PSKH2: variants seen among roughly 807,000 people sequenced by gnomAD.
The protein encoded by PSKH2 is serine/threonine-protein kinase H2.
A neutral mutation model predicts 22.5 loss-of-function variants in PSKH2; 16 were observed. The observed-to-expected ratio is 0.71, with a 90% CI of 0.48 to 1.08. The LOEUF is 1.08. Ranked by LOEUF, PSKH2 falls within the 50% of genes least tolerant of loss-of-function variation. The probability of loss-of-function intolerance (pLI) is 0.00; values close to 1 mark genes in which losing one functional copy is unlikely to be tolerated. For synonymous variants in PSKH2, 188 were observed against 184.8 expected, an observed-to-expected ratio of 1.02 and a Z score of -0.14; for missense variants, 516 against 492.8, an observed-to-expected ratio of 1.05 and a Z score of -0.44.
At chr8:86,069,391 T>G (rs767727040) in intron 1 of PSKH2, 47 bp downstream of exon 1, 1 of 1,489,434 alleles carries the variant, frequency 6.7e-7, no homozygotes, top group Non-Finnish European at 8.9e-7. Context: ...CCAGGGGTTT[T>G]TCTTTGTCAG....
At position 86,069,494 on chromosome 8, in the gene PSKH2, C is replaced by T; in HGVS notation, c.129G>A (p.Ala43=). 3 of 1,609,454 alleles carry T rather than the reference C, an allele frequency of 1.9e-6. No homozygotes were observed. Among genetic ancestry groups the T allele is most frequent in the Non-Finnish European group, 2.5e-6 (3 of 1,178,636 alleles). ...GGAAGCGAGCCACCTGTATCCTCTG[C>T]GCCGCCTGGGCCGCCGCCTCGGGCC... is the stretch of plus-strand genomic sequence containing the variant. The part of the protein sequence containing the change: ...GPGPEAAAQA[A]QRIQVARFRA... The change falls in exon 1 of 3, where the codon GCG becomes GCA. Residue 43 remains alanine (A), a synonymous_variant. Transcript: ENST00000276616.
At chr8:86,065,146 A>C (rs940379392) in intron 1 of PSKH2, among the ~76,000 whole-genome samples, 21 of 152,182 alleles carry the variant, frequency 1.4e-4, no homozygotes, top group Non-Finnish European at 2.1e-4. Flanking sequence ...GTCATTCTTC[A>C]ACAACAAACA....
At position 86,048,693 on chromosome 8, in the gene PSKH2, C is replaced by G. The variant is rs543475155; in HGVS notation, c.927G>C (p.Met309Ile). 5.0e-6 allele frequency: 8 copies of G among 1,614,128 alleles called. No homozygotes were observed. The highest frequency in any genetic ancestry group is 6.8e-6 in the Non-Finnish European group (8 of 1,180,020). Residue 309 changes from methionine (M) to isoleucine (I), a missense_variant, in exon 3 of 3, where the codon ATG becomes ATC. Coordinates refer to ENST00000276616, the MANE Select transcript of PSKH2 (RefSeq NM_033126.3). Reference sequence around the variant, plus strand: ...GATGGTCCAGGGCCTGGCCAGCTGACATGCGATGACCAGCCTCCAAAATCA... The same window carrying G: ...GATGGTCCAGGGCCTGGCCAGCTGAGATGCGATGACCAGCCTCCAAAATCA... ...KLLILEAGHR[M>I]SAGQALDHPW...
intron 2 of PSKH2, among the ~76,000 whole-genome samples, chr8:86,057,370 T>C (rs1817715226): frequency 6.6e-6 from 1 of 151,740 alleles, no homozygotes; most frequent in Non-Finnish European, 1.5e-5. Flanking sequence ...TCATTTGTTT[T>C]TGTTTTTGTT....
rs759068377 is a variant in PSKH2 at position 86,063,946 on chromosome 8, T to G, written c.852+19A>C. ...CCACTCTAAACCAACACAATAGAAA[T>G]AAAATAATGCTCTCTTACCTCTCCT... On this transcript the variant is annotated intron_variant, in intron 2 of 2. Coordinates refer to ENST00000276616, the MANE Select transcript of PSKH2 (RefSeq NM_033126.3). The G allele has an allele frequency of 6.3e-7, 1 of 1,580,188 alleles. No homozygotes were observed. The highest frequency in any genetic ancestry group is 8.6e-7 in the Non-Finnish European group (1 of 1,161,348).
Position 86,064,328 on chromosome 8 carries a change from G to T in PSKH2, c.489C>A (p.Ile163=). 1 of 1,614,110 alleles carries T rather than the reference G, an allele frequency of 6.2e-7. No individual in the cohort carries two copies. Among genetic ancestry groups the T allele is most frequent in the Non-Finnish European group, 8.5e-7 (1 of 1,180,030 alleles). ...GSFTERDAVR[I]LQMVADGIRY... ...TAATCCCATCAGCAACCATCTGGAG[G>T]ATCCTGACGGCATCCCGCTCTGTAA... Residue 163 remains isoleucine, a synonymous_variant, in exon 2 of 3, where the codon ATC becomes ATA. Transcript: ENST00000276616.
At chr8:86,063,416 G>A (rs1375465362) in intron 2 of PSKH2, among the ~76,000 whole-genome samples, 1 of 152,126 alleles carries the variant, frequency 6.6e-6, no homozygotes, top group East Asian at 1.9e-4. Flanking sequence ...ATGAACACTG[G>A]GAGTTTCAAG....
intron 2 of PSKH2, among the ~76,000 whole-genome samples, chr8:86,063,314 T>G (rs1027256217): frequency 6.6e-6 from 1 of 152,248 alleles, no homozygotes; most frequent in Non-Finnish European, 1.5e-5. Context: ...CTGCTGTACA[T>G]GAAATGAATT....
At chr8:86,059,513 C>A (rs911763977) in intron 2 of PSKH2, among the ~76,000 whole-genome samples, 12 of 152,110 alleles carry the variant, frequency 7.9e-5, no homozygotes, top group Non-Finnish European at 1.3e-4. Context: ...TGCCTCATGA[C>A]CCCTCTCTCC....
rs1239301097 is a variant in PSKH2, at chr8:86,048,477, C to T, written c.1143G>A (p.Leu381=). 3 of 1,611,852 alleles carry T rather than the reference C, an allele frequency of 1.9e-6. No individual in the cohort carries two copies. Among genetic ancestry groups the T allele is most frequent in the Non-Finnish European group, 2.5e-6 (3 of 1,178,100 alleles). ...KRNLRIVESP[L]SALL is the part of the protein sequence containing the mutation. ...GGTCATCTGCTTACAAAAGCGCAGA[C>T]AGTGGCGATTCTACTATCCTTAAGT... Residue 381 remains leucine, a synonymous_variant, in exon 3 of 3, where the codon CTG becomes CTA. Coordinates refer to ENST00000276616, the MANE Select transcript of PSKH2 (RefSeq NM_033126.3).
chr8:86,062,307 A>G (rs551471143), intron 2 of PSKH2, among the ~76,000 whole-genome samples: 4 of 152,328 alleles, frequency 2.6e-5, no homozygotes, highest in African/African-American at 9.6e-5. Context: ...ACTTTTGTAA[A>G]CATAGCTTGG....
chr8:86,061,729 C>T (rs1400935893), intron 2 of PSKH2, among the ~76,000 whole-genome samples: 2 of 152,174 alleles, frequency 1.3e-5, no homozygotes, highest in African/African-American at 4.8e-5. Context: ...ACCCAGATTC[C>T]AGCCATCCGC....
At chr8:86,051,277 C>A (rs11990833) in intron 2 of PSKH2, among the ~76,000 whole-genome samples, 59 of 151,868 alleles carry the variant, frequency 3.9e-4, no homozygotes, top group African/African-American at 1.4e-3. Context: ...TTGTAGAAAC[C>A]GGGTTTCGCC....
In PSKH2 at chr8:86,066,198, TCC is replaced by T. The variant is rs1318905225; in HGVS notation, c.186-1569_186-1568del. Among the ~76,000 whole-genome samples, 6 of 137,412 alleles carry T rather than the reference TCC, an allele frequency of 4.4e-5. No homozygotes were observed. The Admixed American group carries it at 4.5e-4, about 10-fold the overall frequency. The allele number at this position is 137,412 out of a possible 152,430, so 90.1% of individuals were successfully genotyped here. On this transcript the variant is annotated intron_variant, in intron 1 of 2. Transcript: ENST00000276616. ...TAGAGTCAGGATTAGAACGCAGGTC[TCC>T]TTTTTTTTTTTTTTTTTGAGATGGA...
Position 86,048,641 on chromosome 8 carries a change from A to T in PSKH2, c.979T>A (p.Ser327Thr), listed in dbSNP as rs200368341. 1.9e-6 allele frequency: 3 copies of T among 1,613,998 alleles called. No homozygotes were observed. The highest frequency in any genetic ancestry group is 2.5e-6 in the Non-Finnish European group (3 of 1,179,998). The change falls in exon 3 of 3, where the codon TCT becomes ACT. Residue 327 changes from serine (S) to threonine (T), a missense_variant. Coordinates refer to ENST00000276616, the MANE Select transcript of PSKH2 (RefSeq NM_033126.3). ...GCCCTCTGGAGATTCTTCATGGAAG[A>T]CCCTGCAGCCATGGTGATCACCCAG... ...HPWVITMAAG[S>T]SMKNLQRAIS...
At chr8:86,057,882 T>C (rs187414387) in intron 2 of PSKH2, among the ~76,000 whole-genome samples, 64 of 152,304 alleles carry the variant, frequency 4.2e-4, no homozygotes, top group Non-Finnish European at 6.9e-4. Flanking sequence ...CTGTGAACTT[T>C]GAGGCTTTGT....
rs773303354 is a variant in PSKH2, at chr8:86,048,471, C to A, written c.1149G>T (p.Ala383=). The A allele has an allele frequency of 6.2e-7, 1 of 1,611,024 alleles. No homozygotes were observed. Among genetic ancestry groups the A allele is most frequent in the Non-Finnish European group, 8.5e-7 (1 of 1,177,582 alleles). Residue 383 remains alanine (A), a synonymous_variant, in exon 3 of 3, where the codon GCG becomes GCT. Coordinates refer to ENST00000276616, the MANE Select transcript of PSKH2 (RefSeq NM_033126.3). ...TTTAGAGGTCATCTGCTTACAAAAG[C>A]GCAGACAGTGGCGATTCTACTATCC... The part of the protein sequence containing the change: ...NLRIVESPLS[A]LL
At chr8:86,062,503 T>C (rs2130164448) in intron 2 of PSKH2, among the ~76,000 whole-genome samples, 1 of 152,244 alleles carries the variant, frequency 6.6e-6, no homozygotes, top group South Asian at 2.1e-4. Context: ...GGGAACGAAG[T>C]GGAGGTGATT....
At chr8:86,066,263 G>C (rs1817857044) in intron 1 of PSKH2, 1 of 147,562 alleles carries the variant, frequency 6.8e-6, no homozygotes, top group Admixed American at 6.8e-5. Flanking sequence ...ACAGTGGCAT[G>C]ATCTTGGCTG....
Sources: gnomAD v4.1 joint callset for allele counts (sites outside exome capture counted in the v4.1 genomes callset) on GRCh38, gnomAD v4.1.1 for gene constraint, MANE v1.5 for transcripts, NCBI Gene and HGNC (gene_info 2026-07-23, HGNC 2026-07-21) for gene names.